Variants in MCFD2 observed in about 807,000 individuals in gnomAD.
MCFD2 encodes the protein multiple coagulation factor deficiency protein 2.
In MCFD2, 11 loss-of-function variants were observed where a neutral mutation model predicts 12.8. The ratio of observed to expected loss-of-function variants is 0.86; its 90% CI spans 0.54 to 1.42. The LOEUF (loss-of-function observed/expected upper bound fraction) is 1.42. MCFD2 is among the 40% of genes most tolerant of loss of function. The probability of loss-of-function intolerance (pLI) is 0.00; values close to 1 mark genes in which losing one functional copy is unlikely to be tolerated. For synonymous variants in MCFD2, 70 were observed against 68.1 expected (o/e 1.03, Z -0.14); for missense variants, 191 against 178.6 (o/e 1.07, Z -0.40).
chr2:46,939,757 T>G (rs1167369604), intron 1 of MCFD2, among the ~76,000 whole-genome samples: 1 of 151,996 alleles, frequency 6.6e-6, no homozygotes, highest in East Asian at 1.9e-4. Flanking sequence ...ATCCAACCGC[T>G]CTCTCCAAGT....
At chr2:46,925,674 C>T (rs1228382686) in intron 1 of MCFD2, among the ~76,000 whole-genome samples, 1 of 152,132 alleles carries the variant, frequency 6.6e-6, no homozygotes. Flanking sequence ...CTGACTTCTC[C>T]CCTGCCACCT....
Position 46,905,306 on chromosome 2 carries a change from C to A in MCFD2, c.*157G>T. 1 of 770,044 alleles carries A rather than the reference C, an allele frequency of 1.3e-6. No homozygotes were observed. The highest frequency in any genetic ancestry group is 2.3e-6 in the Non-Finnish European group (1 of 440,922). 47.7% of individuals were successfully genotyped at this position (770,044 alleles called of 1,614,324 possible). On this transcript the variant is annotated 3_prime_UTR_variant, in exon 4 of 4. Coordinates refer to ENST00000319466, the MANE Select transcript of MCFD2 (RefSeq NM_139279.6). ...GTCCCATTTCTCTTCTCTTTCATTTCTCTTATCTCTTCTCACCCCAGTGTA... is the reference window on the plus strand; with the variant it reads ...GTCCCATTTCTCTTCTCTTTCATTTATCTTATCTCTTCTCACCCCAGTGTA...
In MCFD2 at chr2:46,908,914, G is replaced by T; in HGVS notation, c.149+109C>A. 7 of 1,365,116 alleles carry T rather than the reference G, an allele frequency of 5.1e-6. No individual in the cohort carries two copies. Among genetic ancestry groups the T allele is most frequent in the Non-Finnish European group, 7.3e-6 (7 of 954,440 alleles). 84.6% of individuals were successfully genotyped at this position (1,365,116 alleles called of 1,614,324 possible). On this transcript the variant is annotated intron_variant, in intron 2 of 3. Coordinates refer to ENST00000319466, the MANE Select transcript of MCFD2 (RefSeq NM_139279.6). This position sits in a 1 kb window ranked among gnomAD's most constrained non-coding sequence, Gnocchi z 4.5. ...AGAATCATCCTTGAAGAATGTCAAG[G>T]AGCCATAGAAACAGGAAGAAGGAAA...
intron 1 of MCFD2, among the ~76,000 whole-genome samples, chr2:46,927,873 GT>G (rs1168058653): frequency 4.4e-5 from 6 of 135,910 alleles, no homozygotes; most frequent in African/African-American, 1.6e-4. Flanking sequence ...TAATATTGGG[GT>G]TTTTTTGGTG....
chr2:46,916,814 T>TA (rs1479396079), upstream of MCFD2, among the ~76,000 whole-genome samples: 4 of 152,092 alleles, frequency 2.6e-5, no homozygotes, highest in African/African-American at 9.7e-5. Flanking sequence ...TTTGTATTTT[T>TA]AGTAGAGACG....
At chr2:46,932,321 G>A (rs1669747902) in intron 1 of MCFD2, among the ~76,000 whole-genome samples, 1 of 151,992 alleles carries the variant, frequency 6.6e-6, no homozygotes, top group African/African-American at 2.4e-5. Context: ...GCTAATTTTT[G>A]TATTTTTAGT....
At chr2:46,923,645 ATCT>A (rs1420020645) in intron 1 of MCFD2, among the ~76,000 whole-genome samples, 2 of 152,066 alleles carry the variant, frequency 1.3e-5, no homozygotes, top group African/African-American at 2.4e-5. Flanking sequence ...TAATCCTAAC[ATCT>A]TGGGAGGCCG....
chr2:46,916,201 T>C, upstream of MCFD2: 1 of 974,984 alleles, frequency 1.0e-6, no homozygotes, highest in Non-Finnish European at 1.2e-6. Context: ...TTCGTCCTGC[T>C]GCAAGTTGGG....
At position 46,908,751 on chromosome 2, in the gene MCFD2, G is replaced by GCTCAGAACCCCCTTCC; in HGVS notation, c.149+271_149+272insGGAAGGGGGTTCTGAG. On this transcript the variant is annotated intron_variant, in intron 2 of 3. Transcript: ENST00000319466. This position sits in a 1 kb window ranked among gnomAD's most constrained non-coding sequence, Gnocchi z 4.5. ...TGTACCTGTGTGTCTATTTGTATGT[G>GCTCAGAACCCCCTTCC]TGTGTGTCTGTCTGTGGTGAAAAAA... 2.0e-6 allele frequency: 1 copy of GCTCAGAACCCCCTTCC among 508,044 alleles called. No homozygotes were observed. 31.5% of individuals were successfully genotyped at this position (508,044 alleles called of 1,614,324 possible).
intron 1 of MCFD2, among the ~76,000 whole-genome samples, chr2:46,931,651 A>T (rs1012758435): frequency 1.3e-5 from 2 of 151,938 alleles, no homozygotes; most frequent in Non-Finnish European, 2.9e-5. Context: ...ATGTTTCTAG[A>T]GGCCAGCTGG....
chr2:46,919,880 C>T (rs1280215005), upstream of MCFD2, among the ~76,000 whole-genome samples: 2 of 152,336 alleles, frequency 1.3e-5, no homozygotes, highest in East Asian at 3.9e-4. Context: ...ATGAGGGTGA[C>T]CTCAATGGGT....
chr2:46,926,295 G>A (rs1239612204), intron 1 of MCFD2, among the ~76,000 whole-genome samples: 1 of 152,202 alleles, frequency 6.6e-6, no homozygotes, highest in Non-Finnish European at 1.5e-5. Flanking sequence ...ATATGCCATT[G>A]CCCAGGTACT....
intron 1 of MCFD2, among the ~76,000 whole-genome samples, chr2:46,923,062 A>G (rs1235531148): frequency 6.6e-6 from 1 of 152,230 alleles, no homozygotes; most frequent in African/African-American, 2.4e-5. Context: ...AAGGGTCCTG[A>G]GCACAGGTGC....
intron 1 of MCFD2, among the ~76,000 whole-genome samples, chr2:46,930,604 AT>A (rs1006790536): frequency 5.3e-5 from 8 of 150,626 alleles, no homozygotes; most frequent in African/African-American, 2.0e-4. Flanking sequence ...GGTTCAAGCG[AT>A]TCTCCTGCCT....
rs999273788 is a variant in MCFD2 at position 46,904,385 on chromosome 2, T to A, written c.*1078A>T. ...GTAGATCCACCAACAGCTTGCACCG[T>A]GCACCTGGAAAAGCCGCAGGCACTG... On this transcript the variant is annotated 3_prime_UTR_variant, in exon 4 of 4. Coordinates refer to ENST00000319466, the MANE Select transcript of MCFD2 (RefSeq NM_139279.6). 2 of 157,008 alleles carry A rather than the reference T, an allele frequency of 1.3e-5. No homozygotes were observed. 9.7% of individuals were successfully genotyped at this position (157,008 alleles called of 1,614,324 possible).
Position 46,921,440 on chromosome 2 carries a change from A to T in MCFD2, c.-7-13471T>A, listed in dbSNP as rs182047827. 1.1e-4 allele frequency among the ~76,000 whole-genome samples: 17 copies of T among 152,330 alleles called. No homozygotes were observed. In the East Asian group the frequency reaches 3.3e-3, roughly 29 times the overall value. Reference sequence around the variant, plus strand: ...CATGAAATACTCAGGGGCAAGTCTAATTCAGTTATTGAAAGCATACTTTGT... The same window carrying T: ...CATGAAATACTCAGGGGCAAGTCTATTTCAGTTATTGAAAGCATACTTTGT... On this transcript the variant is annotated intron_variant, in intron 1 of 2. Transcript: ENST00000409147.
rs922294243 is a variant in MCFD2 at position 46,904,011 on chromosome 2, A to T, written c.*1452T>A. 1.3e-5 allele frequency: 2 copies of T among 151,858 alleles called. No homozygotes were observed. Among genetic ancestry groups the T allele is most frequent in the Non-Finnish European group, 2.9e-5 (2 of 68,016 alleles). The allele number at this position is 151,858 out of a possible 1,614,324, so 9.4% of individuals were successfully genotyped here. On this transcript the variant is annotated 3_prime_UTR_variant, in exon 4 of 4. Coordinates refer to ENST00000319466, the MANE Select transcript of MCFD2 (RefSeq NM_139279.6). ...GGACTTGGTGTCTTGTGTCCCAGCC[A>T]CTCCAGCCATGGCTGAAAGGGGCCA... is the stretch of plus-strand genomic sequence containing the variant.
rs1448145091 is a variant in MCFD2, at chr2:46,937,669, C to T, written c.-8+3903G>A. ...TCCAGGCTGGTCTTGAATTCCTGGA[C>T]TCAAGTGATTCTCCCACCTCCTTCT... On this transcript the variant is annotated intron_variant, in intron 1 of 2. Coordinates refer to the MCFD2 transcript ENST00000409147. This position sits in a 1 kb window ranked among gnomAD's most constrained non-coding sequence, Gnocchi z 4.0. 6.6e-6 allele frequency among the ~76,000 whole-genome samples: 1 copy of T among 152,158 alleles called. No individual in the cohort carries two copies. The highest frequency in any genetic ancestry group is 6.6e-5 in the Admixed American group (1 of 15,252).
rs116899157 is a variant in MCFD2, at chr2:46,932,605, T to G, written c.-8+8967A>C. 8.4e-4 allele frequency among the ~76,000 whole-genome samples: 128 copies of G among 152,032 alleles called. 1 individual carries two copies. The East Asian group carries it at 0.024, about 28-fold the overall frequency. ...AAAGAAAGAGAAAGAAAGATTAATA[T>G]AGAAGCAGGTGGAGGCCAGGTGCAG... On this transcript the variant is annotated intron_variant, in intron 1 of 2. Coordinates refer to the MCFD2 transcript ENST00000409147.
Sources: gnomAD v4.1 joint callset for allele counts (sites outside exome capture counted in the v4.1 genomes callset) on GRCh38, gnomAD v4.1.1 for gene constraint, Gnocchi (gnomAD v3.1) non-coding constraint, MANE v1.5 for transcripts, NCBI Gene and HGNC (gene_info 2026-07-23, HGNC 2026-07-21) for gene names.